SLC35F3: variants seen among roughly 807,000 people sequenced by gnomAD.
The protein encoded by SLC35F3 is putative thiamine transporter SLC35F3.
In SLC35F3, 25 loss-of-function variants were observed where a neutral mutation model predicts 49.9. The ratio of observed to expected loss-of-function variants is 0.50; its 90% CI spans 0.37 to 0.70. SLC35F3 has a LOEUF of 0.70. SLC35F3 is among the 30% of genes least tolerant of loss of function. The pLI, the probability that SLC35F3 is intolerant of heterozygous loss-of-function variation, is 0.00. For synonymous variants in SLC35F3, 275 were observed against 265.4 expected (o/e 1.04, Z -0.35); for missense variants, 525 against 639.8 (o/e 0.82, Z 1.94).
chr1:234,031,065 A>G (rs1299210258), intron 2 of SLC35F3, among the ~76,000 whole-genome samples: 3 of 152,240 alleles, frequency 2.0e-5, no homozygotes, highest in Non-Finnish European at 4.4e-5. Flanking sequence ...CAAGACTTAT[A>G]GAAGAGTTTG....
chr1:233,928,427 A>G (rs1373179999), intron 2 of SLC35F3, among the ~76,000 whole-genome samples: 1 of 152,206 alleles, frequency 6.6e-6, no homozygotes, highest in African/African-American at 2.4e-5. Context: ...GAGAGAGAAT[A>G]TAGTAGAGTG....
intron 2 of SLC35F3, among the ~76,000 whole-genome samples, chr1:234,225,110 T>G (rs1265021293): frequency 2.0e-5 from 3 of 152,234 alleles, no homozygotes; most frequent in Non-Finnish European, 2.9e-5. Context: ...ACACGTGAAG[T>G]GCGAATTGCT....
intron 2 of SLC35F3, among the ~76,000 whole-genome samples, chr1:234,113,994 C>T (rs1246435644): frequency 1.3e-5 from 2 of 152,226 alleles, no homozygotes; most frequent in African/African-American, 2.4e-5. Context: ...ACAATCGGCT[C>T]TCCAGGAGGA....
intron 2 of SLC35F3, among the ~76,000 whole-genome samples, chr1:233,990,533 C>G (rs1663336702): frequency 6.6e-6 from 1 of 152,140 alleles, no homozygotes; most frequent in South Asian, 2.1e-4. Flanking sequence ...CTTCTAGAGA[C>G]CTAATGTACA....
intron 2 of SLC35F3, among the ~76,000 whole-genome samples, chr1:233,998,040 C>A (rs1663489339): frequency 6.6e-6 from 1 of 152,160 alleles, no homozygotes; most frequent in African/African-American, 2.4e-5. Context: ...GAGTGAGCCA[C>A]CGCGCCCAGC....
intron 2 of SLC35F3, among the ~76,000 whole-genome samples, chr1:234,196,752 C>G (rs1313250875): frequency 6.6e-6 from 1 of 152,184 alleles, no homozygotes; most frequent in African/African-American, 2.4e-5. Flanking sequence ...CCAGCCTGGC[C>G]AAGATGGTGA....
At chr1:234,028,680 ACT>A (rs1246103150) in intron 2 of SLC35F3, among the ~76,000 whole-genome samples, 4 of 152,072 alleles carry the variant, frequency 2.6e-5, no homozygotes, top group African/African-American at 9.7e-5. Context: ...AGCAAGAGAG[ACT>A]CTCTATAGAA....
chr1:234,178,496 G>A (rs927559636), intron 2 of SLC35F3, among the ~76,000 whole-genome samples: 1 of 151,500 alleles, frequency 6.6e-6, no homozygotes, highest in African/African-American at 2.4e-5. Context: ...AACAGTTTTA[G>A]GTTCACAGCA....
At position 234,231,888 on chromosome 1, in the gene SLC35F3, T is replaced by G; in HGVS notation, c.608+147T>G. The G allele has an allele frequency of 2.6e-6, 2 of 763,944 alleles. No homozygotes were observed. Among genetic ancestry groups the G allele is most frequent in the Admixed American group, 2.9e-5 (1 of 34,754 alleles). The allele number at this position is 763,944 out of a possible 1,614,324, so 47.3% of individuals were successfully genotyped here. ...TTGCAGTGAATGCACCTGCTCTCAG[T>G]GGGGTCGGGAGCAGAATTCTGTCTA... On this transcript the variant is annotated intron_variant, in intron 3 of 7. Coordinates refer to ENST00000366618, the MANE Select transcript of SLC35F3 (RefSeq NM_173508.4). The surrounding 1 kb of genome is among the most constrained non-coding windows in gnomAD (Gnocchi z 5.4).
intron 2 of SLC35F3, among the ~76,000 whole-genome samples, chr1:234,086,133 A>G (rs1664957404): frequency 6.6e-6 from 1 of 152,236 alleles, no homozygotes; most frequent in African/African-American, 2.4e-5. Flanking sequence ...TGTATGCATT[A>G]GTTCCCCATT....
intron 2 of SLC35F3, among the ~76,000 whole-genome samples, chr1:233,969,717 A>G (rs1032537879): frequency 6.6e-6 from 1 of 152,256 alleles, no homozygotes; most frequent in Admixed American, 6.5e-5. Flanking sequence ...TAGTAATCGT[A>G]TGAAAAGATA....
chr1:234,312,234 T>A (rs549974376), intron 4 of SLC35F3, among the ~76,000 whole-genome samples: 1 of 152,018 alleles, frequency 6.6e-6, no homozygotes, highest in Non-Finnish European at 1.5e-5. Context: ...GGAGGTGAGA[T>A]TCTCCGATTG....
At chr1:234,224,510 G>C (rs911145838) in intron 2 of SLC35F3, among the ~76,000 whole-genome samples, 2 of 152,166 alleles carry the variant, frequency 1.3e-5, no homozygotes, top group African/African-American at 4.8e-5. Context: ...CCTAGTGCAG[G>C]GTCCCATACA....
chr1:233,981,491 T>G (rs777547374), intron 2 of SLC35F3, among the ~76,000 whole-genome samples: 4 of 152,180 alleles, frequency 2.6e-5, no homozygotes, highest in Non-Finnish European at 4.4e-5. Context: ...TGGTGCAGGA[T>G]CCTTGCTTTT....
chr1:234,277,921 C>T (rs547021167), intron 3 of SLC35F3, among the ~76,000 whole-genome samples: 81 of 152,292 alleles, frequency 5.3e-4, no homozygotes, highest in African/African-American at 1.7e-3. Flanking sequence ...CAGCTGGGCG[C>T]GGTGGCTCAC....
At chr1:234,082,656 A>G (rs537179457) in intron 2 of SLC35F3, among the ~76,000 whole-genome samples, 1 of 152,324 alleles carries the variant, frequency 6.6e-6, no homozygotes, top group East Asian at 1.9e-4. Context: ...AGACTGGGTA[A>G]TTTATAAAGA....
chr1:234,149,420 A>C (rs144521405), intron 2 of SLC35F3, among the ~76,000 whole-genome samples: 1,712 of 152,342 alleles, frequency 0.011, 16 homozygotes, highest in Middle Eastern at 0.024. Context: ...ATGGTTTTAG[A>C]GCATGGTGAT....
chr1:234,288,635 C>T (rs1452229924), intron 3 of SLC35F3, among the ~76,000 whole-genome samples: 2 of 152,186 alleles, frequency 1.3e-5, no homozygotes, highest in Non-Finnish European at 2.9e-5. Context: ...CTCATGCCAG[C>T]CTCTTTGCTG....
At chr1:233,979,253 G>A (rs2102821049) in intron 2 of SLC35F3, among the ~76,000 whole-genome samples, 1 of 152,166 alleles carries the variant, frequency 6.6e-6, no homozygotes, top group South Asian at 2.1e-4. Context: ...CTGTAAAATG[G>A]GAGAGCTGGT....
Sources: allele counts gnomAD v4.1 joint callset (sites outside exome capture counted in the v4.1 genomes callset), GRCh38; gene constraint gnomAD v4.1.1; non-coding constraint Gnocchi (gnomAD v3.1); transcripts MANE v1.5; gene names NCBI Gene and HGNC (gene_info 2026-07-23, HGNC 2026-07-21).